LOXHD1: variants seen among roughly 807,000 people sequenced by gnomAD.
LOXHD1 encodes lipoxygenase homology domain-containing protein 1.
LOXHD1 carries 205 observed loss-of-function variants against 248.2 expected under a neutral mutation model. The observed-to-expected ratio is 0.83, with a 90% CI of 0.74 to 0.93. The LOEUF is 0.93. Ranked by LOEUF, LOXHD1 falls within the 40% of genes least tolerant of loss-of-function variation. The probability of loss-of-function intolerance (pLI) is 0.00; values close to 1 mark genes in which losing one functional copy is unlikely to be tolerated. For missense variants in LOXHD1, 2,930 were observed against 2,971.6 expected (o/e 0.99, Z 0.33); for synonymous variants, 1,113 against 1,162.8 (o/e 0.96, Z 0.87).
intron 38 of LOXHD1, among the ~76,000 whole-genome samples, chr18:46,487,392 C>T (rs910648066): frequency 2.0e-5 from 3 of 152,222 alleles, no homozygotes; most frequent in Admixed American, 2.0e-4. Context: ...GTTCAAGGAG[C>T]TGCTGCAGAA....
Position 46,505,980 on chromosome 18 carries a change from C to T in LOXHD1, c.5736G>A (p.Glu1912=), listed in dbSNP as rs1316207363. The T allele has an allele frequency of 6.4e-7, 1 of 1,552,298 alleles. No homozygotes were observed. The highest frequency in any genetic ancestry group is 8.7e-7 in the Non-Finnish European group (1 of 1,147,128). Residue 1912 remains glutamate (E), a synonymous_variant, in exon 37 of 41, where the codon GAG becomes GAA. Coordinates refer to ENST00000642948, the MANE Select transcript of LOXHD1 (RefSeq NM_001384474.1). ...DANVFIIIFG[E]NGDSGTLALK... The stretch of plus-strand genomic sequence containing the variant: ...GGGCCAGTGTCCCACTATCCCCGTT[C>T]TCCCCGAAGATGATGATGAACACGT...
intron 4 of LOXHD1, among the ~76,000 whole-genome samples, chr18:46,631,874 G>T (rs2038829038): frequency 6.6e-6 from 1 of 152,184 alleles, no homozygotes; most frequent in African/African-American, 2.4e-5. Flanking sequence ...TTAGCACAGG[G>T]TGTCTAATAC....
chr18:46,494,420 T>G (rs543545093), intron 37 of LOXHD1, among the ~76,000 whole-genome samples: 5 of 152,238 alleles, frequency 3.3e-5, no homozygotes, highest in African/African-American at 7.2e-5. Context: ...AACTCCATTC[T>G]TGACAATAAT....
intron 4 of LOXHD1, among the ~76,000 whole-genome samples, chr18:46,620,396 G>C (rs1389027294): frequency 6.6e-6 from 1 of 152,212 alleles, no homozygotes; most frequent in Non-Finnish European, 1.5e-5. Flanking sequence ...CAGTCCATTG[G>C]AAGGGGCAGC....
At chr18:46,648,587 G>A (rs1299949554) in intron 2 of LOXHD1, among the ~76,000 whole-genome samples, 1 of 152,214 alleles carries the variant, frequency 6.6e-6, no homozygotes, top group Non-Finnish European at 1.5e-5. Flanking sequence ...CGTGCATGCA[G>A]TGGGGGGAAA....
At chr18:46,621,368 A>G (rs79846939) in intron 4 of LOXHD1, among the ~76,000 whole-genome samples, 11,083 of 152,320 alleles carry the variant, frequency 0.073, 519 homozygotes, top group Non-Finnish European at 0.11. Context: ...TCCCTCTTCA[A>G]GCAGAACCCC....
In LOXHD1 at chr18:46,593,729, G is replaced by T. The variant is rs377086603; in HGVS notation, c.1302C>A (p.Thr434=). 6.2e-5 allele frequency: 96 copies of T among 1,551,878 alleles called. No individual in the cohort carries two copies. The African/African-American group carries it at 1.1e-3, about 17-fold the overall frequency. The change falls in exon 10 of 41, where the codon ACC becomes ACA. Residue 434 remains threonine, a synonymous_variant. Coordinates refer to ENST00000642948, the MANE Select transcript of LOXHD1 (RefSeq NM_001384474.1). ...AGTTGGTACCAGCTTTCTTTAGGTCGGTTGTCCAGACCCACAGGGACCAAG... is the reference window on the plus strand; with the variant it reads ...AGTTGGTACCAGCTTTCTTTAGGTCTGTTGTCCAGACCCACAGGGACCAAG... ...KFPWSLWVWT[T]DLKKAGTNSP...
At chr18:46,641,480 C>T (rs1412195433) in intron 3 of LOXHD1, among the ~76,000 whole-genome samples, 1 of 152,234 alleles carries the variant, frequency 6.6e-6, no homozygotes, top group South Asian at 2.1e-4. Flanking sequence ...TGCAACAGGA[C>T]TTGGTATCTC....
intron 31 of LOXHD1, 68 bp from the exon 32 acceptor site, chr18:46,522,377 C>T: frequency 7.3e-7 from 1 of 1,367,080 alleles, no homozygotes; most frequent in Non-Finnish European, 1.0e-6. Context: ...CATAGACTCA[C>T]AGATTTGGAA....
chr18:46,533,777 T>C (rs1373111371), intron 27 of LOXHD1: 1 of 287,762 alleles, frequency 3.5e-6, no homozygotes, highest in Admixed American at 4.4e-5. Flanking sequence ...AATATAAAAA[T>C]TAGTCGGGCG....
intron 25 of LOXHD1, among the ~76,000 whole-genome samples, chr18:46,540,220 A>G (rs1356350800): frequency 2.0e-5 from 3 of 152,200 alleles, no homozygotes; most frequent in Admixed American, 1.3e-4. Flanking sequence ...GGCTTGCCTG[A>G]CCTTAAAGCG....
chr18:46,499,235 C>A (rs1336825866), intron 37 of LOXHD1, among the ~76,000 whole-genome samples: 1 of 152,142 alleles, frequency 6.6e-6, no homozygotes, highest in African/African-American at 2.4e-5. Context: ...GAGTAGGGAG[C>A]ATCTAACTTC....
At chr18:46,586,430 TG>T (rs977864976) in intron 12 of LOXHD1, among the ~76,000 whole-genome samples, 3 of 54,078 alleles carry the variant, frequency 5.5e-5, no homozygotes, top group Non-Finnish European at 1.7e-4. Flanking sequence ...ATATAGCTGT[TG>T]TTTTTTTTGT....
intron 17 of LOXHD1, among the ~76,000 whole-genome samples, chr18:46,564,142 G>A (rs1212198257): frequency 6.6e-6 from 1 of 151,890 alleles, no homozygotes; most frequent in Non-Finnish European, 1.5e-5. Context: ...ACACATGAGG[G>A]CCCATACAAG....
rs876657499 is a variant in LOXHD1, at chr18:46,610,865, T to G, written c.670A>C (p.Ile224Leu). Residue 224 changes from isoleucine (I) to leucine (L), a missense_variant, in exon 6 of 41, where the codon ATC becomes CTC. Physicochemically the swap from Ile to Leu is conservative, Grantham distance 5. Transcript: ENST00000642948. ...TGCCCCAAATCCGGGGCATCCAGGA[T>G]GAACCTGTCTTCAGCTCCCTTTTCA... ...NFEKGAEDRFILDAPDLGQLM... is the reference protein window; with the variant it reads ...NFEKGAEDRFLLDAPDLGQLM... The G allele has an allele frequency of 5.2e-6, 8 of 1,551,826 alleles. No individual in the cohort carries two copies. The highest frequency in any genetic ancestry group is 7.0e-6 in the Non-Finnish European group (8 of 1,147,018).
chr18:46,509,530 C>A lies in LOXHD1; in HGVS notation c.5517+168G>T. Reference sequence around the variant, plus strand: ...GGACACAAATAAATAAAACGACATTCTCTGATTAATTCATGCCAAAGGGCA... The same window carrying A: ...GGACACAAATAAATAAAACGACATTATCTGATTAATTCATGCCAAAGGGCA... On this transcript the variant is annotated intron_variant, in intron 35 of 40. Coordinates refer to ENST00000642948, the MANE Select transcript of LOXHD1 (RefSeq NM_001384474.1). 3 of 678,636 alleles carry A rather than the reference C, an allele frequency of 4.4e-6. No homozygotes were observed. In the South Asian group the frequency reaches 5.0e-5, roughly 11 times the overall value. 42.0% of individuals were successfully genotyped at this position (678,636 alleles called of 1,614,324 possible).
intron 19 of LOXHD1, 39 bp downstream of exon 19, chr18:46,560,044 C>CGCCTGCCGGG: frequency 3.2e-6 from 4 of 1,245,520 alleles, no homozygotes; most frequent in Non-Finnish European, 4.5e-6. Context: ...AACTGTCTGG[C>CGCCTGCCGGG]CACTCCCTCC....
chr18:46,645,511 G>A (rs1309604667), intron 2 of LOXHD1, among the ~76,000 whole-genome samples: 2 of 152,192 alleles, frequency 1.3e-5, no homozygotes, highest in South Asian at 2.1e-4. Flanking sequence ...CCATCCTTTT[G>A]CCATATTCTG....
At chr18:46,638,182 G>C (rs2038916770) in intron 4 of LOXHD1, among the ~76,000 whole-genome samples, 1 of 152,092 alleles carries the variant, frequency 6.6e-6, no homozygotes, top group Non-Finnish European at 1.5e-5. Flanking sequence ...GCATAAAAAA[G>C]ACTAGAAATG....
Sources: allele counts gnomAD v4.1 joint callset (sites outside exome capture counted in the v4.1 genomes callset), GRCh38; gene constraint gnomAD v4.1.1; transcripts MANE v1.5; gene names NCBI Gene and HGNC (gene_info 2026-07-23, HGNC 2026-07-21).